SLC12A1: variants seen among roughly 807,000 people sequenced by gnomAD.
SLC12A1 encodes the protein Na-K-2Cl cotransporter.
Under a neutral mutation model 130.4 loss-of-function variants are expected in SLC12A1, and 89 were observed. The ratio of observed to expected loss-of-function variants is 0.68; its 90% CI spans 0.58 to 0.81. SLC12A1 has a LOEUF of 0.81. SLC12A1 is among the 40% of genes least tolerant of loss of function. SLC12A1 has a pLI of 0.00. For synonymous variants in SLC12A1, 499 were observed against 460.0 expected, an observed-to-expected ratio of 1.08 and a Z score of -1.09; for missense variants, 1,310 against 1,336.4, an observed-to-expected ratio of 0.98 and a Z score of 0.31.
At chr15:48,266,094 T>C (rs566420697) in intron 17 of SLC12A1, among the ~76,000 whole-genome samples, 2 of 152,308 alleles carry the variant, frequency 1.3e-5, no homozygotes, top group African/African-American at 4.8e-5. Flanking sequence ...AGCATGGACA[T>C]ACAGGCTATC....
intron 13 of SLC12A1, among the ~76,000 whole-genome samples, chr15:48,248,148 G>A (rs1381168896): frequency 6.6e-6 from 1 of 152,178 alleles, no homozygotes; most frequent in African/African-American, 2.4e-5. Context: ...AGAAGGCAGA[G>A]GACATTGGGA....
At chr15:48,299,402 G>T (rs1465813812) in intron 25 of SLC12A1, 127 bp downstream of exon 25, 2 of 892,650 alleles carry the variant, frequency 2.2e-6, no homozygotes, top group Non-Finnish European at 1.6e-6. Context: ...CAAGCTTTCT[G>T]CATTTTTCAA....
chr15:48,264,351 A>G (rs1018633683), intron 17 of SLC12A1, among the ~76,000 whole-genome samples: 2 of 152,152 alleles, frequency 1.3e-5, no homozygotes, highest in Admixed American at 6.5e-5. Flanking sequence ...GGAGTTCTCA[A>G]TAAATCTCAC....
intron 20 of SLC12A1, among the ~76,000 whole-genome samples, chr15:48,276,297 G>A (rs985360521): frequency 7.2e-5 from 11 of 152,246 alleles, no homozygotes; most frequent in Admixed American, 2.0e-4. Flanking sequence ...AGAGAAATCT[G>A]AGCTGGAAAT....
At chr15:48,233,219 A>G (rs1294938644) in intron 8 of SLC12A1, among the ~76,000 whole-genome samples, 3 of 152,214 alleles carry the variant, frequency 2.0e-5, no homozygotes, top group Non-Finnish European at 2.9e-5. Flanking sequence ...GCTGGACAGA[A>G]CACCTAATGT....
At chr15:48,237,224 A>T in intron 9 of SLC12A1, 1 of 561,118 alleles carries the variant, frequency 1.8e-6, no homozygotes, top group Admixed American at 3.3e-5. Context: ...AGAGACGGAC[A>T]TTTGAAACAG....
intron 21 of SLC12A1, among the ~76,000 whole-genome samples, chr15:48,285,734 T>C (rs573963852): frequency 2.0e-5 from 3 of 152,352 alleles, no homozygotes; most frequent in African/African-American, 7.2e-5. Context: ...TAGAACTTTA[T>C]TGGTACTCAC....
Position 48,274,977 on chromosome 15 carries a change from C to T in SLC12A1, c.2485+324C>T, listed in dbSNP as rs34992718. Among the ~76,000 whole-genome samples, 737 of 152,286 alleles carry T rather than the reference C, an allele frequency of 4.8e-3. 8 individuals are homozygous for T. The highest frequency in any genetic ancestry group is 0.044 in the Middle Eastern group (13 of 294). On this transcript the variant is annotated intron_variant, in intron 20 of 26. Transcript: ENST00000380993. ...TGCCAAATTAATTTCTGCAAGATGT[C>T]TCAGAAAATGAAGATTAATTCTTTC...
chr15:48,210,693 TAAAAAAAAA>T (rs34235092), intron 2 of SLC12A1, among the ~76,000 whole-genome samples: 3 of 122,640 alleles, frequency 2.4e-5, no homozygotes, highest in Non-Finnish European at 5.1e-5. Flanking sequence ...CTTCTCTACT[TAAAAAAAAA>T]AAAAAAAAAA....
intron 10 of SLC12A1, among the ~76,000 whole-genome samples, chr15:48,243,606 G>T (rs892797056): frequency 6.6e-6 from 1 of 152,210 alleles, no homozygotes; most frequent in East Asian, 1.9e-4. Flanking sequence ...AGTGAGCCAA[G>T]ATCGTGCACT....
rs1567314296 is a variant in SLC12A1 at position 48,234,892 on chromosome 15, A to G, written c.1103A>G (p.Glu368Gly). 4 of 1,613,834 alleles carry G rather than the reference A, an allele frequency of 2.5e-6. No individual in the cohort carries two copies. The highest frequency in any genetic ancestry group is 1.7e-5 in the Admixed American group (1 of 60,000). The change falls in exon 9 of 27, where the codon GAA (glutamate) becomes GGA (glycine). Residue 368 changes from glutamate to glycine, a missense_variant. Glu to Gly is a moderately conservative substitution (Grantham distance 98). Coordinates refer to ENST00000380993, the MANE Select transcript of SLC12A1 (RefSeq NM_000338.3). ...TATGTTGCAGCATCAATATTTGCAG[A>G]AAACTTTGGGCCACGCTTCACAAAG... ...FFNYQASIFA[E>G]NFGPRFTKGE...
intron 20 of SLC12A1, among the ~76,000 whole-genome samples, chr15:48,279,037 G>A (rs1181647247): frequency 6.6e-6 from 1 of 152,172 alleles, no homozygotes; most frequent in Admixed American, 6.5e-5. Flanking sequence ...GCAATTGGAT[G>A]CTAATAAAAT....
intron 16 of SLC12A1, among the ~76,000 whole-genome samples, chr15:48,257,362 A>C (rs2041719660): frequency 6.6e-6 from 1 of 152,008 alleles, no homozygotes; most frequent in African/African-American, 2.4e-5. Flanking sequence ...CTTCTTACAG[A>C]TCTACTAGGC....
In SLC12A1 at chr15:48,256,530, A is replaced by G. The variant is rs146204896; in HGVS notation, c.2042+620A>G. Among the ~76,000 whole-genome samples the G allele has an allele frequency of 4.8e-3, 736 of 152,334 alleles. 7 individuals are homozygous for G. The highest frequency in any genetic ancestry group is 0.044 in the Middle Eastern group (13 of 294). ...AAAAAAGAGGCTTAATGGACTCACC[A>G]TTCCACATTGCTGAGGAGGCCTCAC... On this transcript the variant is annotated intron_variant, in intron 16 of 26. Transcript: ENST00000380993.
At chr15:48,262,143 G>T (rs2041781816) in intron 17 of SLC12A1, among the ~76,000 whole-genome samples, 1 of 152,112 alleles carries the variant, frequency 6.6e-6, no homozygotes, top group South Asian at 2.1e-4. Context: ...GAAAAATGAG[G>T]TCCAGACACT....
Position 48,273,375 on chromosome 15 carries a change from A to G in SLC12A1, c.2403-1196A>G, listed in dbSNP as rs74011992. On this transcript the variant is annotated intron_variant, in intron 19 of 26. Transcript: ENST00000380993. ...AATTTCACTTTTAAGTACTCTTGTG[A>G]TTACTCTTGTCCCATCCAGGTAATC... Among the ~76,000 whole-genome samples the G allele has an allele frequency of 7.3e-3, 1,118 of 152,226 alleles. 18 individuals are homozygous for G. The highest frequency in any genetic ancestry group is 0.026 in the African/African-American group (1,068 of 41,538).
Position 48,302,873 on chromosome 15 carries a change from AT to A in SLC12A1, c.3292del (p.Tyr1098ThrfsTer5). The A allele has an allele frequency of 6.2e-7, 1 of 1,609,978 alleles. No homozygotes were observed. Among genetic ancestry groups the A allele is most frequent in the Non-Finnish European group, 8.5e-7 (1 of 1,176,888 alleles). ...VRGNHKNVLT[F>X]YS Reference sequence around the variant, plus strand: ...GAGGAAATCACAAAAATGTCTTGACATTTTACTCTTAAAACATGAAAGATTG... The same window carrying A: ...GAGGAAATCACAAAAATGTCTTGACATTTACTCTTAAAACATGAAAGATTG... On this transcript the variant is annotated frameshift_variant, in exon 27 of 27. Transcript: ENST00000380993. LOFTEE classifies it high-confidence loss of function.
intron 4 of SLC12A1, chr15:48,222,930 T>C (rs965896641): frequency 5.3e-5 from 8 of 152,340 alleles, no homozygotes; most frequent in Non-Finnish European, 1.0e-4. Flanking sequence ...GGCTGTCTTG[T>C]TCCCAAAAGC....
chr15:48,223,207 GA>G (rs2041238742), intron 4 of SLC12A1: 2 of 152,310 alleles, frequency 1.3e-5, no homozygotes, highest in South Asian at 4.1e-4. Context: ...GAAATAGGCT[GA>G]GGGTAGCTTA....
Sources: gnomAD v4.1 joint callset for allele counts (sites outside exome capture counted in the v4.1 genomes callset) on GRCh38, gnomAD v4.1.1 for gene constraint, MANE v1.5 for transcripts, NCBI Gene and HGNC (gene_info 2026-07-23, HGNC 2026-07-21) for gene names.